PPWD1: variants seen among roughly 807,000 people sequenced by gnomAD.
PPWD1 encodes the protein peptidylprolyl isomerase domain and WD repeat-containing protein 1.
In PPWD1, 43 loss-of-function variants were observed where a neutral mutation model predicts 68.8. The ratio of observed to expected loss-of-function variants is 0.62; its 90% CI spans 0.49 to 0.81. PPWD1 has a LOEUF of 0.81. Ranked by LOEUF, PPWD1 falls within the 30% of genes least tolerant of loss-of-function variation. The pLI is 0.00. For synonymous variants in PPWD1, 232 were observed against 258.7 expected (o/e 0.90, Z 0.99); for missense variants, 672 against 804.8 (o/e 0.83, Z 2.00).
chr5:65,569,594 T>C (rs1439471912), intron 2 of PPWD1, 38 bp from the exon 3 acceptor site: 9 of 1,521,548 alleles, frequency 5.9e-6, no homozygotes, highest in South Asian at 1.2e-5. Context: ...TTCATAGATC[T>C]GTCTTAGAAA....
intron 1 of PPWD1, 160 bp from the exon 2 acceptor site, chr5:65,567,353 T>A: frequency 1.3e-6 from 1 of 774,448 alleles, no homozygotes. Flanking sequence ...ACGTTAAAAC[T>A]GAGATAACAT....
chr5:65,582,970 T>C, intron 7 of PPWD1, 68 bp from the exon 8 acceptor site: 2 of 1,446,156 alleles, frequency 1.4e-6, no homozygotes, highest in South Asian at 3.1e-5. Context: ...AGAAATTCTA[T>C]TGTTCATAAA....
rs373488081 is a variant in PPWD1 at position 65,569,682 on chromosome 5, A to C, written c.350A>C (p.Lys117Thr). The change falls in exon 3 of 11, where the codon AAA becomes ACA. Residue 117 changes from lysine (K) to threonine (T), a missense_variant. By Grantham distance (78) the Lys-to-Thr change is moderately conservative (BLOSUM62 -1). Coordinates refer to ENST00000261308, the MANE Select transcript of PPWD1 (RefSeq NM_015342.4). ...CATGATGGACATGTCAAGTTCTGGA[A>C]AAAAATAGAAGAGGGAATTGAATTT... is the stretch of plus-strand genomic sequence containing the variant. The part of the protein sequence containing the change: ...ASHDGHVKFW[K>T]KIEEGIEFVK... 6 of 1,609,500 alleles carry C rather than the reference A, an allele frequency of 3.7e-6. No homozygotes were observed. The highest frequency in any genetic ancestry group is 5.1e-6 in the Non-Finnish European group (6 of 1,177,000).
chr5:65,574,448 C>CTTTT (rs573705705), intron 5 of PPWD1, among the ~76,000 whole-genome samples: 16 of 91,998 alleles, frequency 1.7e-4, no homozygotes, highest in South Asian at 1.4e-3. Flanking sequence ...ACACAAATCT[C>CTTTT]TTTTTTTTTT....
At chr5:65,573,516 G>GTTTGTTTTT (rs1753122949) in intron 5 of PPWD1, among the ~76,000 whole-genome samples, 1 of 15,436 alleles carries the variant, frequency 6.5e-5, no homozygotes, top group Admixed American at 8.1e-4. Flanking sequence ...AGTACAGATG[G>GTTTGTTTTT]TTTTTTTTTT....
chr5:65,563,350 A>G lies in PPWD1; in HGVS notation c.40A>G (p.Arg14Gly). The G allele has an allele frequency of 6.2e-7, 1 of 1,614,150 alleles. No individual in the cohort carries two copies. Residue 14 changes from arginine to glycine, a missense_variant, in exon 1 of 11, where the codon AGA (arginine) becomes GGA (glycine). Transcript: ENST00000261308. The part of the protein sequence containing the change: ...ESGSDFQQRR[R>G]RRRDPEEPEK... ...TGGTAGCGATTTTCAGCAGAGACGT[A>G]GAAGGCGCCGGGACCCGGAGGAACC...
chr5:65,574,578 C>T (rs1276966736), intron 5 of PPWD1, among the ~76,000 whole-genome samples: 1 of 150,940 alleles, frequency 6.6e-6, no homozygotes, highest in Non-Finnish European at 1.5e-5. Flanking sequence ...ATTCTCCTGC[C>T]TCAGCCTCCC....
At position 65,585,161 on chromosome 5, in the gene PPWD1, G is replaced by A. The variant is rs924268060; in HGVS notation, c.1614+66G>A. 6.1e-5 allele frequency: 88 copies of A among 1,442,916 alleles called. 1 individual carries two copies. Among genetic ancestry groups the A allele is most frequent in the South Asian group, 3.0e-4 (25 of 82,778 alleles). The allele number at this position is 1,442,916 out of a possible 1,614,324, so 89.4% of individuals were successfully genotyped here. On this transcript the variant is annotated intron_variant, in intron 9 of 10. Coordinates refer to ENST00000261308, the MANE Select transcript of PPWD1 (RefSeq NM_015342.4). ...TTATTACATAGCAAGAGATTTAAGC[G>A]CAAGGAATCTTCTTCTCTCACACTT...
At chr5:65,564,318 C>CT (rs550753414) in intron 1 of PPWD1, among the ~76,000 whole-genome samples, 1,760 of 117,004 alleles carry the variant, frequency 0.015, 37 homozygotes, top group Non-Finnish European at 0.016. Context: ...TTTTCTCTCT[C>CT]TTTTTTTTTT....
intron 9 of PPWD1, 97 bp downstream of exon 9, chr5:65,585,192 G>GA: frequency 8.2e-7 from 1 of 1,225,492 alleles, no homozygotes; most frequent in Non-Finnish European, 1.1e-6. Context: ...CACTTAATCA[G>GA]TTTAGTGGAA....
At chr5:65,584,292 C>T (rs1277943898) in intron 8 of PPWD1, among the ~76,000 whole-genome samples, 3 of 152,024 alleles carry the variant, frequency 2.0e-5, no homozygotes, top group Non-Finnish European at 4.4e-5. Flanking sequence ...TCTCTTGGTT[C>T]GTCCATTTCC....
chr5:65,569,318 G>A (rs1257789934), intron 2 of PPWD1: 1 of 270,868 alleles, frequency 3.7e-6, no homozygotes, highest in Non-Finnish European at 7.1e-6. Context: ...ACTGTCTGTA[G>A]GGTAATTTTA....
Position 65,571,914 on chromosome 5 carries a change from T to C in PPWD1, c.597T>C (p.Ser199=), listed in dbSNP as rs976725420. 2.5e-6 allele frequency: 4 copies of C among 1,613,640 alleles called. No individual in the cohort carries two copies. In the Admixed American group the frequency reaches 6.7e-5, roughly 27 times the overall value. The change falls in exon 5 of 11, where the codon AGT becomes AGC. Residue 199 remains serine, a synonymous_variant. Transcript: ENST00000261308. The part of the protein sequence containing the change: ...AISSVAASEK[S]TGKIFIYDGR... ...CTTCAGTTGCTGCTTCCGAAAAGAG[T>C]ACAGGAAAAATTTTCATTTATGATG...
At chr5:65,575,684 TAATAC>T (rs1416601732) in intron 5 of PPWD1, among the ~76,000 whole-genome samples, 1 of 152,208 alleles carries the variant, frequency 6.6e-6, no homozygotes, top group Non-Finnish European at 1.5e-5. Context: ...CATAATATGT[TAATAC>T]AGTTATTGAG....
At chr5:65,572,311 T>C (rs1356580960) in intron 5 of PPWD1, 25 bp downstream of exon 5, 2 of 1,543,160 alleles carry the variant, frequency 1.3e-6, no homozygotes. Context: ...AATTTAACCG[T>C]ACTTTACTTT....
intron 6 of PPWD1, among the ~76,000 whole-genome samples, chr5:65,577,747 T>A (rs1018267223): frequency 2.8e-4 from 42 of 152,196 alleles, no homozygotes; most frequent in Non-Finnish European, 3.7e-4. Context: ...TTGAACAGTT[T>A]TAGGTTCACA....
In PPWD1 at chr5:65,569,745, C is replaced by T. The variant is rs1288460787; in HGVS notation, c.400+13C>T. 1 of 1,600,404 alleles carries T rather than the reference C, an allele frequency of 6.2e-7. No homozygotes were observed. Among genetic ancestry groups the T allele is most frequent in the African/African-American group, 1.3e-5 (1 of 74,314 alleles). On this transcript the variant is annotated intron_variant, in intron 3 of 10. Coordinates refer to ENST00000261308, the MANE Select transcript of PPWD1 (RefSeq NM_015342.4). Reference sequence around the variant, plus strand: ...CGTAGTCACCTGGGTAAGAATTGCACCTCATTTTCTTGTAGCTCTTTCCTA... The same window carrying T: ...CGTAGTCACCTGGGTAAGAATTGCATCTCATTTTCTTGTAGCTCTTTCCTA...
chr5:65,577,160 C>T, intron 6 of PPWD1, 91 bp downstream of exon 6: 1 of 1,465,820 alleles, frequency 6.8e-7, no homozygotes, highest in Non-Finnish European at 9.0e-7. Context: ...TTGTTTGTTC[C>T]AAGAAAAGTG....
chr5:65,566,469 A>C (rs759636823), intron 1 of PPWD1, among the ~76,000 whole-genome samples: 9 of 151,932 alleles, frequency 5.9e-5, no homozygotes, highest in Non-Finnish European at 1.2e-4. Context: ...TTTACTCATT[A>C]GCATATGGTT....
Sources: gnomAD v4.1 joint callset for allele counts (sites outside exome capture counted in the v4.1 genomes callset) on GRCh38, gnomAD v4.1.1 for gene constraint, MANE v1.5 for transcripts, NCBI Gene and HGNC (gene_info 2026-07-23, HGNC 2026-07-21) for gene names.